The following ABCA4 variants were observed in gnomAD, a reference collection of about 807,000 sequenced individuals.
The protein encoded by ABCA4 is retinal-specific phospholipid-transporting ATPase ABCA4.
ABCA4 carries 196 observed loss-of-function variants against 263.7 expected under a neutral mutation model. The observed-to-expected ratio is 0.74, with a 90% confidence interval of 0.66 to 0.84. The LOEUF (loss-of-function observed/expected upper bound fraction) is 0.84, where lower values mean the gene tolerates loss of function less well. ABCA4 is among the 40% of genes least tolerant of loss of function. ABCA4 has a pLI of 0.00. For synonymous variants in ABCA4, 1,133 were observed against 1,094.2 expected, an observed-to-expected ratio of 1.04 and a Z score of -0.70; for missense variants, 2,792 against 2,855.1, an observed-to-expected ratio of 0.98 and a Z score of 0.50.
At chr1:94,010,739 A>G (rs766329252) in intron 40 of ABCA4, 61 bp downstream of exon 40, 2 of 1,612,476 alleles carry the variant, frequency 1.2e-6, no homozygotes, top group Admixed American at 1.7e-5. Flanking sequence ...CCATGTGGGT[A>G]TAAGGTCCAG....
At chr1:94,007,813 G>A (rs770010375) in intron 42 of ABCA4, 73 bp from the exon 43 acceptor site, 8 of 1,391,600 alleles carry the variant, frequency 5.7e-6, no homozygotes, top group Middle Eastern at 1.9e-4. Flanking sequence ...CAGGGTAAGT[G>A]TGTGTGTGAG....
intron 13 of ABCA4, among the ~76,000 whole-genome samples, chr1:94,060,977 T>G (rs762160930): frequency 2.0e-5 from 3 of 152,254 alleles, no homozygotes; most frequent in Non-Finnish European, 4.4e-5. Context: ...GCTGGCTTTC[T>G]GGTTAGCCCG....
chr1:94,009,662 G>T (rs905985038), intron 40 of ABCA4, among the ~76,000 whole-genome samples: 1 of 152,112 alleles, frequency 6.6e-6, no homozygotes, highest in Non-Finnish European at 1.5e-5. Context: ...CCTCTTCTTT[G>T]AAACCCTCCC....
chr1:94,083,806 G>A (rs887465935), intron 6 of ABCA4, among the ~76,000 whole-genome samples: 2 of 152,172 alleles, frequency 1.3e-5, no homozygotes, highest in African/African-American at 4.8e-5. Context: ...GCGGGCCTGG[G>A]GTGCCCATCT....
intron 11 of ABCA4, among the ~76,000 whole-genome samples, chr1:94,075,195 G>A (rs1047353995): frequency 2.0e-5 from 3 of 152,094 alleles, no homozygotes; most frequent in Non-Finnish European, 2.9e-5. Context: ...GAGAGCATTA[G>A]GACAAATAGC....
At position 94,112,946 on chromosome 1, in the gene ABCA4, T is replaced by C. The variant is rs111565579; in HGVS notation, c.160+27A>G. 3 of 1,587,526 alleles carry C rather than the reference T, an allele frequency of 1.9e-6. No homozygotes were observed. In the South Asian group the frequency reaches 3.3e-5, roughly 18 times the overall value. On this transcript the variant is annotated intron_variant, in intron 2 of 49. Coordinates refer to ENST00000370225, the MANE Select transcript of ABCA4 (RefSeq NM_000350.3). ...GCCCAGACCAAAGTCTCTTCAGGGC[T>C]TGCCCAAGCTACCCTGCTATGCTTA... is the stretch of plus-strand genomic sequence containing the variant.
Position 94,048,439 on chromosome 1 carries a change from G to GT in ABCA4, c.2743+428dup, listed in dbSNP as rs748286146. Among the ~76,000 whole-genome samples, 65 of 152,322 alleles carry GT rather than the reference G, an allele frequency of 4.3e-4. 1 individual carries two copies. Among genetic ancestry groups the GT allele is most frequent in the Non-Finnish European group, 6.9e-4 (47 of 68,028 alleles). On this transcript the variant is annotated intron_variant, in intron 18 of 49. Coordinates refer to ENST00000370225, the MANE Select transcript of ABCA4 (RefSeq NM_000350.3). The stretch of plus-strand genomic sequence containing the variant: ...GAATGGCCTTCTAGATTTGTAAGCC[G>GT]TAAGTGAAGTGTAGTCAGCTCCCCT...
At chr1:94,050,904 C>T (rs1362535203) in intron 17 of ABCA4, among the ~76,000 whole-genome samples, 1 of 152,244 alleles carries the variant, frequency 6.6e-6, no homozygotes, top group African/African-American at 2.4e-5. Context: ...GAGCAACAAA[C>T]AGATGGGAGA....
rs774957381 is a variant in ABCA4, at chr1:94,025,015, G to A, written c.4573C>T (p.Leu1525=). ...TQRSTEILQD[L]TDRNISDFLV... Reference sequence around the variant, plus strand: ...AAGTCGGAGATGTTCCTGTCCGTCAGGTCTTGTAGAATTTCCGTGCTGCGC... The same window carrying A: ...AAGTCGGAGATGTTCCTGTCCGTCAAGTCTTGTAGAATTTCCGTGCTGCGC... The change falls in exon 31 of 50, where the codon CTG becomes TTG. Residue 1525 remains leucine, a synonymous_variant. Coordinates refer to ENST00000370225, the MANE Select transcript of ABCA4 (RefSeq NM_000350.3). The A allele has an allele frequency of 8.7e-6, 14 of 1,614,076 alleles. No homozygotes were observed. The highest frequency in any genetic ancestry group is 1.1e-5 in the Non-Finnish European group (13 of 1,180,048).
chr1:94,077,993 T>A, intron 10 of ABCA4, 106 bp from the exon 11 acceptor site: 3 of 1,112,870 alleles, frequency 2.7e-6, no homozygotes, highest in Non-Finnish European at 4.0e-6. Context: ...ATAGAGATGC[T>A]AAGGCTCCCT....
intron 3 of ABCA4, among the ~76,000 whole-genome samples, chr1:94,110,856 G>C (rs1027891561): frequency 6.6e-6 from 1 of 152,116 alleles, no homozygotes; most frequent in Non-Finnish European, 1.5e-5. Context: ...CAGGCCCACA[G>C]TGAAGAGCCA....
chr1:93,994,701 G>C (rs902879510), intron 49 of ABCA4, among the ~76,000 whole-genome samples: 1 of 152,164 alleles, frequency 6.6e-6, no homozygotes, highest in Admixed American at 6.5e-5. Flanking sequence ...AGAAAAATAT[G>C]CCAATAAGTG....
chr1:94,043,219 A>G (rs1038159639), intron 21 of ABCA4, 117 bp downstream of exon 21: 13 of 1,441,942 alleles, frequency 9.0e-6, no homozygotes, highest in Admixed American at 1.9e-5. Flanking sequence ...GTGTAACTTC[A>G]CAGAGGTGTT....
intron 11 of ABCA4, among the ~76,000 whole-genome samples, chr1:94,073,190 A>G (rs1353002443): frequency 6.6e-6 from 1 of 152,228 alleles, no homozygotes; most frequent in Non-Finnish European, 1.5e-5. Context: ...AGGACAAGCC[A>G]CAGTGATGTG....
At position 94,002,413 on chromosome 1, in the gene ABCA4, A is replaced by G. The variant is rs148358020; in HGVS notation, c.6148-421T>C. ...AGCCTTGTGCATCCGACACATACCT[A>G]TGGAGCACTGACCATACGCCAGGCA... On this transcript the variant is annotated intron_variant, in intron 44 of 49. Transcript: ENST00000370225. Among the ~76,000 whole-genome samples the G allele has an allele frequency of 7.4e-3, 1,126 of 152,330 alleles. 13 individuals carry two copies. Among genetic ancestry groups the G allele is most frequent in the Admixed American group, 0.044 (676 of 15,310 alleles).
chr1:94,112,540 G>C (rs1201275529), intron 2 of ABCA4, among the ~76,000 whole-genome samples: 2 of 152,218 alleles, frequency 1.3e-5, no homozygotes, highest in Admixed American at 6.5e-5. Flanking sequence ...GCTCATGCTT[G>C]TAATCCCAGT....
intron 1 of ABCA4, among the ~76,000 whole-genome samples, chr1:94,116,692 C>A (rs1662773882): frequency 6.6e-6 from 1 of 152,120 alleles, no homozygotes. Flanking sequence ...TCATGCTCAG[C>A]TTCCCCTCCC....
At chr1:94,102,670 A>G (rs1662315025) in intron 5 of ABCA4, among the ~76,000 whole-genome samples, 1 of 152,148 alleles carries the variant, frequency 6.6e-6, no homozygotes, top group Admixed American at 6.5e-5. Context: ...ACTGTGTTCT[A>G]GTACCTACAA....
In ABCA4 at chr1:94,015,761, CAAGGGCAGG is replaced by C. The variant is rs61753027; in HGVS notation, c.5281_5289del (p.Pro1761_Leu1763del). ...TACCCATACAGCAGGAGCAGTGCCACAAGGGCAGGAAGGTTTTCTGGAGAAGTGTAGGCT... is the reference window on the plus strand; with the variant it reads ...TACCCATACAGCAGGAGCAGTGCCACAAGGTTTTCTGGAGAAGTGTAGGCT... On this transcript the variant is annotated inframe_deletion, in exon 37 of 50. Coordinates refer to ENST00000370225, the MANE Select transcript of ABCA4 (RefSeq NM_000350.3). 1.7e-5 allele frequency: 27 copies of C among 1,613,882 alleles called. No individual in the cohort carries two copies. Among genetic ancestry groups the C allele is most frequent in the Non-Finnish European group, 2.2e-5 (26 of 1,179,964 alleles).
Sources: gnomAD v4.1 joint callset for allele counts (sites outside exome capture counted in the v4.1 genomes callset) on GRCh38, gnomAD v4.1.1 for gene constraint, MANE v1.5 for transcripts, NCBI Gene and HGNC (gene_info 2026-07-23, HGNC 2026-07-21) for gene names.